TRAPPC6A: variants seen among roughly 807,000 people sequenced by gnomAD.
TRAPPC6A encodes the protein TRAPP complex subunit 6A.
In TRAPPC6A, 25 loss-of-function variants were observed where a neutral mutation model predicts 20.8. The observed-to-expected ratio is 1.20, with a 90% CI of 0.88 to 1.68. TRAPPC6A has a LOEUF of 1.68. Ranked by LOEUF, TRAPPC6A falls within the 40% of genes most tolerant of loss-of-function variation. The probability of loss-of-function intolerance (pLI) is 0.00; values close to 1 mark genes in which losing one functional copy is unlikely to be tolerated. For synonymous variants in TRAPPC6A, 96 were observed against 93.3 expected (o/e 1.03, Z -0.16); for missense variants, 215 against 211.6 (o/e 1.02, Z -0.10).
chr19:45,169,880 G>A (rs1177499823), intron 1 of TRAPPC6A, among the ~76,000 whole-genome samples: 27 of 152,182 alleles, frequency 1.8e-4, no homozygotes, highest in Admixed American at 1.6e-3. Flanking sequence ...GTCCCCACTC[G>A]CTAAGGGCTC....
In TRAPPC6A at chr19:45,163,927, G is replaced by T; in HGVS notation, c.437C>A (p.Ala146Asp). 6.3e-7 allele frequency: 1 copy of T among 1,578,448 alleles called. No homozygotes were observed. Among genetic ancestry groups the T allele is most frequent in the Non-Finnish European group, 8.6e-7 (1 of 1,162,408 alleles). The change falls in exon 5 of 6, where the codon GCC becomes GAC. Residue 146 changes from alanine (A) to aspartate (D), a missense_variant. By Grantham distance (126) the Ala-to-Asp change is moderately radical. Coordinates refer to ENST00000585934, the MANE Select transcript of TRAPPC6A (RefSeq NM_001270891.2). This position sits in a 1 kb window ranked among gnomAD's most constrained non-coding sequence, Gnocchi z 5.3. ...IESVVTASVAALPVCKFQVVI... is the reference protein window; with the variant it reads ...IESVVTASVADLPVCKFQVVI... The stretch of plus-strand genomic sequence containing the variant: ...CCCCCATGACTCACAGACGGGCAGG[G>T]CTGCCACGGAGGCGGTGACCACGCT...
intron 1 of TRAPPC6A, among the ~76,000 whole-genome samples, chr19:45,166,209 G>T (rs972380942): frequency 6.0e-5 from 9 of 150,874 alleles, no homozygotes; most frequent in African/African-American, 2.2e-4. Flanking sequence ...ACCGCGCCTG[G>T]CGAGTTTTCT....
At position 45,175,382 on chromosome 19, in the gene TRAPPC6A, G is replaced by T. The variant is rs189815432; in HGVS notation, c.84+2753C>A. ...GCGGAGCTTGCAGTGAGCCGAGATC[G>T]CGCCACTGCACTCCAGCCTGGGCGA... On this transcript the variant is annotated intron_variant, in intron 1 of 5. Coordinates refer to ENST00000585934, the MANE Select transcript of TRAPPC6A (RefSeq NM_001270891.2). 2.7e-4 allele frequency among the ~76,000 whole-genome samples: 41 copies of T among 150,298 alleles called. 1 individual carries two copies. Among genetic ancestry groups the T allele is most frequent in the African/African-American group, 9.5e-4 (39 of 40,888 alleles).
At chr19:45,166,659 G>T (rs1969160057) in intron 1 of TRAPPC6A, among the ~76,000 whole-genome samples, 1 of 152,130 alleles carries the variant, frequency 6.6e-6, no homozygotes, top group African/African-American at 2.4e-5. Flanking sequence ...GCAGAAGTGG[G>T]GGAACAGAGG....
At position 45,163,851 on chromosome 19, in the gene TRAPPC6A, C is replaced by T. The variant is rs1385511558; in HGVS notation, c.448+65G>A. ...CCCAGGCACACACACAGGAGTGGGG[C>T]TGGAACTCTGAAGCCCCCAGCAACT... is the stretch of plus-strand genomic sequence containing the variant. On this transcript the variant is annotated intron_variant, in intron 5 of 5. Coordinates refer to ENST00000585934, the MANE Select transcript of TRAPPC6A (RefSeq NM_001270891.2). The surrounding 1 kb of genome is among the most constrained non-coding windows in gnomAD (Gnocchi z 5.3). The T allele has an allele frequency of 2.1e-6, 3 of 1,413,618 alleles. No homozygotes were observed. The African/African-American group carries it at 4.3e-5, about 20-fold the overall frequency. 87.6% of individuals were successfully genotyped at this position (1,413,618 alleles called of 1,614,324 possible).
chr19:45,171,048 T>G (rs1288012215), intron 1 of TRAPPC6A, among the ~76,000 whole-genome samples: 1 of 152,222 alleles, frequency 6.6e-6, no homozygotes, highest in Non-Finnish European at 1.5e-5. Flanking sequence ...TTGCCTGTAA[T>G]CCCAGCACTT....
At chr19:45,171,072 C>G (rs1247031684) in intron 1 of TRAPPC6A, among the ~76,000 whole-genome samples, 2 of 152,140 alleles carry the variant, frequency 1.3e-5, no homozygotes, top group African/African-American at 4.8e-5. Context: ...GAAGCCAAGG[C>G]GGGAGGATCA....
At chr19:45,170,840 G>C (rs375779043) in intron 1 of TRAPPC6A, among the ~76,000 whole-genome samples, 13 of 152,358 alleles carry the variant, frequency 8.5e-5, no homozygotes, top group African/African-American at 2.9e-4. Context: ...GAAAAGGGCT[G>C]TGGGGAATCA....
At chr19:45,177,405 A>G (rs546411791) in intron 1 of TRAPPC6A, among the ~76,000 whole-genome samples, 3 of 152,118 alleles carry the variant, frequency 2.0e-5, no homozygotes, top group Middle Eastern at 3.4e-3. Flanking sequence ...CAATGGCACA[A>G]TCTTGGCTCA....
Position 45,167,207 on chromosome 19 carries a change from C to T in TRAPPC6A, c.85-2013G>A, listed in dbSNP as rs112499596. ...CTTAACAGACTGGCTGATGAGACAA[C>T]GTGCATCAACAAAGGACACCGTAAG... On this transcript the variant is annotated intron_variant, in intron 1 of 5. Transcript: ENST00000585934. Among the ~76,000 whole-genome samples, 436 of 152,264 alleles carry T rather than the reference C, an allele frequency of 2.9e-3. 1 individual carries two copies. The highest frequency in any genetic ancestry group is 5.1e-3 in the Non-Finnish European group (349 of 68,034).
intron 1 of TRAPPC6A, among the ~76,000 whole-genome samples, chr19:45,167,905 G>A (rs1159482232): frequency 1.3e-5 from 2 of 152,150 alleles, no homozygotes; most frequent in African/African-American, 2.4e-5. Flanking sequence ...AGCTGAGGCA[G>A]GAGGATCATC....
chr19:45,163,434 C>G lies in TRAPPC6A; in HGVS notation c.449-211G>C, dbSNP rs577167792. Among the ~76,000 whole-genome samples the G allele has an allele frequency of 1.3e-5, 2 of 152,112 alleles. No individual in the cohort carries two copies. The highest frequency in any genetic ancestry group is 1.9e-4 in the East Asian group (1 of 5,172). On this transcript the variant is annotated intron_variant, in intron 5 of 5. Coordinates refer to ENST00000585934, the MANE Select transcript of TRAPPC6A (RefSeq NM_001270891.2). The surrounding 1 kb of genome is among the most constrained non-coding windows in gnomAD (Gnocchi z 5.3). The stretch of plus-strand genomic sequence containing the variant: ...TGTGGCCCCAGGGAAGCGCCCGGCA[C>G]GGGCTTCTGTGGTATGCATTGCTCG...
intron 1 of TRAPPC6A, among the ~76,000 whole-genome samples, chr19:45,167,541 G>A (rs1568463851): frequency 2.6e-5 from 4 of 152,198 alleles, no homozygotes; most frequent in Non-Finnish European, 4.4e-5. Flanking sequence ...GGAGTGCAAC[G>A]GCGCGATCTC....
intron 1 of TRAPPC6A, among the ~76,000 whole-genome samples, chr19:45,170,958 T>C (rs962024227): frequency 1.3e-5 from 2 of 152,234 alleles, no homozygotes; most frequent in Non-Finnish European, 2.9e-5. Context: ...GTGGTGTCCA[T>C]GCCCATGTCA....
At chr19:45,166,060 C>T (rs960556946) in intron 1 of TRAPPC6A, among the ~76,000 whole-genome samples, 11 of 144,764 alleles carry the variant, frequency 7.6e-5, no homozygotes, top group Middle Eastern at 3.8e-3. Context: ...TACAGGGATA[C>T]GCCACCACAC....
chr19:45,174,352 T>A (rs947335146), intron 1 of TRAPPC6A, among the ~76,000 whole-genome samples: 7 of 151,496 alleles, frequency 4.6e-5, no homozygotes, highest in Non-Finnish European at 7.4e-5. Flanking sequence ...TCCCCACCCA[T>A]CCCCACCTGC....
At chr19:45,167,019 G>A (rs932112469) in intron 1 of TRAPPC6A, among the ~76,000 whole-genome samples, 2 of 152,084 alleles carry the variant, frequency 1.3e-5, no homozygotes, top group Admixed American at 1.3e-4. Context: ...CTGAGCCTTT[G>A]TACCGACTTC....
chr19:45,177,805 CAA>C (rs1367446781), intron 1 of TRAPPC6A, among the ~76,000 whole-genome samples: 7 of 152,254 alleles, frequency 4.6e-5, no homozygotes, highest in Admixed American at 2.0e-4. Context: ...CTAGGACACA[CAA>C]AGATTAAGTC....
intron 1 of TRAPPC6A, among the ~76,000 whole-genome samples, chr19:45,169,748 C>T (rs1969231476): frequency 6.6e-6 from 1 of 152,196 alleles, no homozygotes; most frequent in South Asian, 2.1e-4. Context: ...TCCCGTGTCA[C>T]CTCCTCCCAC....
Sources: gnomAD v4.1 joint callset for allele counts (sites outside exome capture counted in the v4.1 genomes callset) on GRCh38, gnomAD v4.1.1 for gene constraint, Gnocchi (gnomAD v3.1) non-coding constraint, MANE v1.5 for transcripts, NCBI Gene and HGNC (gene_info 2026-07-23, HGNC 2026-07-21) for gene names.